The following AGBL4 variants were observed in gnomAD, a reference collection of about 807,000 sequenced individuals.
AGBL4 encodes the protein AGBL carboxypeptidase 4.
Under a neutral mutation model 66.4 loss-of-function variants are expected in AGBL4, and 58 were observed. The ratio of observed to expected loss-of-function variants is 0.87; its 90% CI spans 0.71 to 1.09. The LOEUF is 1.09. Ranked by LOEUF, AGBL4 falls within the 50% of genes least tolerant of loss-of-function variation. The pLI is 0.00. For missense variants in AGBL4, 579 were observed against 631.0 expected, an observed-to-expected ratio of 0.92 and a Z score of 0.88; for synonymous variants, 234 against 222.9, an observed-to-expected ratio of 1.05 and a Z score of -0.44.
At chr1:48,691,933 C>T (rs1449793741) in intron 6 of AGBL4, among the ~76,000 whole-genome samples, 2 of 152,200 alleles carry the variant, frequency 1.3e-5, no homozygotes, top group African/African-American at 4.8e-5. Context: ...CCTTCTCTCA[C>T]CCTCCTTGTG....
intron 3 of AGBL4, among the ~76,000 whole-genome samples, chr1:49,354,596 C>A (rs888787337): frequency 2.0e-5 from 3 of 152,172 alleles, no homozygotes; most frequent in Non-Finnish European, 4.4e-5. Context: ...ATGCTAATGA[C>A]TCCCAAAAAT....
intron 4 of AGBL4, among the ~76,000 whole-genome samples, chr1:49,086,045 A>G (rs1423971354): frequency 6.6e-6 from 1 of 152,118 alleles, no homozygotes; most frequent in Non-Finnish European, 1.5e-5. Context: ...TCTCATTTCT[A>G]TCTGAACTCA....
At chr1:49,708,984 T>C (rs1647421316) in intron 2 of AGBL4, among the ~76,000 whole-genome samples, 1 of 152,132 alleles carries the variant, frequency 6.6e-6, no homozygotes, top group Admixed American at 6.5e-5. Context: ...CTGTATGAGG[T>C]GTCTATCGAC....
At chr1:49,314,344 T>G (rs1394712576) in intron 3 of AGBL4, among the ~76,000 whole-genome samples, 1 of 152,068 alleles carries the variant, frequency 6.6e-6, no homozygotes, top group East Asian at 1.9e-4. Flanking sequence ...TAACTCGTCA[T>G]CTACATTAGG....
intron 1 of AGBL4, among the ~76,000 whole-genome samples, chr1:49,862,161 T>G (rs1464532158): frequency 2.0e-5 from 3 of 152,094 alleles, no homozygotes; most frequent in Non-Finnish European, 4.4e-5. Context: ...GAGAAGGAAT[T>G]CAGAATGCTA....
intron 2 of AGBL4, among the ~76,000 whole-genome samples, chr1:49,723,334 C>T (rs1648752519): frequency 6.6e-6 from 1 of 152,070 alleles, no homozygotes; most frequent in Non-Finnish European, 1.5e-5. Context: ...ATGCCTCTTG[C>T]TTCTAACGCC....
chr1:49,931,495 C>T (rs374505798), intron 1 of AGBL4, among the ~76,000 whole-genome samples: 4 of 152,128 alleles, frequency 2.6e-5, no homozygotes, highest in Admixed American at 6.5e-5. Context: ...GAGAGCAAGA[C>T]GGGGGAAGTG....
chr1:49,700,173 A>AAAGCAATC (rs1647060709), intron 2 of AGBL4, among the ~76,000 whole-genome samples: 1 of 151,736 alleles, frequency 6.6e-6, no homozygotes, highest in South Asian at 2.1e-4. Context: ...TATTAATAAG[A>AAAGCAATC]AAGCAAATGT....
At chr1:49,327,616 G>A (rs1480580793) in intron 3 of AGBL4, among the ~76,000 whole-genome samples, 1 of 152,210 alleles carries the variant, frequency 6.6e-6, no homozygotes, top group Non-Finnish European at 1.5e-5. Context: ...TTCACATAGT[G>A]GAACAGACAG....
intron 11 of AGBL4, among the ~76,000 whole-genome samples, chr1:48,560,337 A>AC (rs930707431): frequency 1.4e-4 from 21 of 152,036 alleles, no homozygotes; most frequent in South Asian, 2.1e-4. Context: ...ATCTTTCAAT[A>AC]CCCCATGCCT....
chr1:48,883,165 A>T (rs1265882860), intron 5 of AGBL4, among the ~76,000 whole-genome samples: 4 of 152,108 alleles, frequency 2.6e-5, no homozygotes, highest in African/African-American at 4.8e-5. Context: ...TGGTAGTTCT[A>T]TTTTTAATTT....
At chr1:49,961,068 T>C (rs1275601653) in intron 1 of AGBL4, among the ~76,000 whole-genome samples, 1 of 152,078 alleles carries the variant, frequency 6.6e-6, no homozygotes, top group East Asian at 1.9e-4. Context: ...TACGTTGAAA[T>C]TGATGAAGCA....
rs375166589 is a variant in AGBL4 at position 49,310,829 on chromosome 1, G to A, written c.283-64965C>T. Among the ~76,000 whole-genome samples the A allele has an allele frequency of 1.3e-4, 20 of 152,076 alleles. No homozygotes were observed. In the South Asian group the frequency reaches 3.5e-3, roughly 27 times the overall value. Reference sequence around the variant, plus strand: ...AGTAAAAAAAAACTCAAAAAAGTACGTCTGTAGTACACAATATTAATATTA... The same window carrying A: ...AGTAAAAAAAAACTCAAAAAAGTACATCTGTAGTACACAATATTAATATTA... On this transcript the variant is annotated intron_variant, in intron 3 of 13. Coordinates refer to ENST00000371839, the MANE Select transcript of AGBL4 (RefSeq NM_032785.4).
intron 1 of AGBL4, among the ~76,000 whole-genome samples, chr1:49,874,345 G>A (rs1571765629): frequency 2.6e-5 from 4 of 151,992 alleles, no homozygotes; most frequent in Non-Finnish European, 1.5e-5. Context: ...GTTGTCAACT[G>A]GGAGGAGAAA....
chr1:49,374,656 C>G (rs1570557011), intron 3 of AGBL4, among the ~76,000 whole-genome samples: 1 of 152,048 alleles, frequency 6.6e-6, no homozygotes, highest in South Asian at 2.1e-4. Context: ...CCCTTCTTTT[C>G]TTTTTTACCT....
At chr1:48,725,195 T>C (rs1016774327) in intron 6 of AGBL4, among the ~76,000 whole-genome samples, 10 of 152,330 alleles carry the variant, frequency 6.6e-5, no homozygotes, top group Middle Eastern at 6.8e-3. Context: ...CTTTTTAATA[T>C]AGGGAATACT....
chr1:48,864,144 T>G (rs1207399092), intron 6 of AGBL4, among the ~76,000 whole-genome samples: 1 of 152,040 alleles, frequency 6.6e-6, no homozygotes, highest in Non-Finnish European at 1.5e-5. Flanking sequence ...GAAAAATCAA[T>G]TCACAGAAGA....
At chr1:49,368,739 TC>T (rs1644286733) in intron 3 of AGBL4, among the ~76,000 whole-genome samples, 1 of 152,210 alleles carries the variant, frequency 6.6e-6, no homozygotes, top group South Asian at 2.1e-4. Flanking sequence ...TTGGATATTT[TC>T]ACAGGTAGTA....
At chr1:48,983,985 C>T (rs1317022512) in intron 5 of AGBL4, among the ~76,000 whole-genome samples, 2 of 152,036 alleles carry the variant, frequency 1.3e-5, no homozygotes, top group Non-Finnish European at 2.9e-5. Flanking sequence ...ACTGAGGACA[C>T]ATTTATTAGG....
Sources: allele counts gnomAD v4.1 joint callset (sites outside exome capture counted in the v4.1 genomes callset), GRCh38; gene constraint gnomAD v4.1.1; transcripts MANE v1.5; gene names NCBI Gene and HGNC (gene_info 2026-07-23, HGNC 2026-07-21).